Variants in PLPPR5 observed in about 807,000 individuals in gnomAD.
The protein encoded by PLPPR5 is phospholipid phosphatase-related protein type 5.
A neutral mutation model predicts 33.9 loss-of-function variants in PLPPR5; 16 were observed. The ratio of observed to expected loss-of-function variants is 0.47; its 90% confidence interval spans 0.32 to 0.72. The LOEUF is 0.72. Among genes scored for constraint, PLPPR5 ranks in the 30% least tolerant of loss-of-function variants. The pLI is 0.03. For synonymous variants in PLPPR5, 163 were observed against 150.3 expected, an observed-to-expected ratio of 1.08 and a Z score of -0.62; for missense variants, 301 against 406.7, an observed-to-expected ratio of 0.74 and a Z score of 2.23.
intron 1 of PLPPR5, 31 bp downstream of exon 1, chr1:99,004,404 C>G (rs1266693616): frequency 6.5e-7 from 1 of 1,547,014 alleles, no homozygotes; most frequent in Non-Finnish European, 8.8e-7. Flanking sequence ...ATCAGGGACT[C>G]GGCGACGAGG....
intron 1 of PLPPR5, among the ~76,000 whole-genome samples, chr1:98,960,820 G>A (rs943466131): frequency 6.6e-6 from 1 of 152,168 alleles, no homozygotes; most frequent in Non-Finnish European, 1.5e-5. Context: ...TTTACACACA[G>A]ATGGCCCCGG....
At chr1:98,896,738 A>G (rs1648488480) in intron 5 of PLPPR5, among the ~76,000 whole-genome samples, 1 of 152,250 alleles carries the variant, frequency 6.6e-6, no homozygotes, top group East Asian at 1.9e-4. Flanking sequence ...AATAAATTTT[A>G]AAGTCTCTAT....
At chr1:98,942,809 T>C (rs945441023) in intron 3 of PLPPR5, among the ~76,000 whole-genome samples, 1 of 152,182 alleles carries the variant, frequency 6.6e-6, no homozygotes, top group Non-Finnish European at 1.5e-5. Context: ...GGTGGACACC[T>C]CATTCACTGA....
intron 3 of PLPPR5, among the ~76,000 whole-genome samples, chr1:98,949,216 C>A (rs1472698803): frequency 6.6e-6 from 1 of 151,198 alleles, no homozygotes; most frequent in African/African-American, 2.4e-5. Context: ...ATAACTCTCA[C>A]AATTTTTTTT....
chr1:98,979,252 C>T (rs1313280677), intron 1 of PLPPR5, among the ~76,000 whole-genome samples: 1 of 151,940 alleles, frequency 6.6e-6, no homozygotes, highest in Non-Finnish European at 1.5e-5. Context: ...TTGTTCTTTA[C>T]TCACTGCAAA....
chr1:98,926,866 G>A (rs749790236), intron 3 of PLPPR5, among the ~76,000 whole-genome samples: 22 of 152,238 alleles, frequency 1.4e-4, no homozygotes, highest in African/African-American at 3.6e-4. Context: ...TGGGGCATTC[G>A]TTTGTTAAGC....
At chr1:98,988,288 T>C (rs1345843057) in intron 1 of PLPPR5, among the ~76,000 whole-genome samples, 3 of 152,128 alleles carry the variant, frequency 2.0e-5, no homozygotes, top group African/African-American at 2.4e-5. Context: ...GTTTCATTTA[T>C]GTATTCAGGC....
chr1:98,956,582 ATT>A (rs1436152385), intron 2 of PLPPR5, 25 bp downstream of exon 2: 1 of 1,546,022 alleles, frequency 6.5e-7, no homozygotes, highest in Admixed American at 2.2e-5. Context: ...TTTCAGAAAT[ATT>A]AAAAATAATT....
chr1:98,956,520 C>A (rs562612491), intron 2 of PLPPR5, 89 bp downstream of exon 2: 3 of 1,286,194 alleles, frequency 2.3e-6, no homozygotes, highest in South Asian at 1.7e-5. Context: ...CTAATATTTG[C>A]AAACAGTTAA....
rs60624111 is a variant in PLPPR5 at position 98,928,548 on chromosome 1, CATATATAT to C, written c.622-6498_622-6491del. On this transcript the variant is annotated intron_variant, in intron 3 of 5. Coordinates refer to ENST00000263177, the MANE Select transcript of PLPPR5 (RefSeq NM_001037317.2). ...AAAAAACTATTAGAAAGTTTTAAATCATATATATATATATATATATATATGGTTCACTT... is the reference window on the plus strand; with the variant it reads ...AAAAAACTATTAGAAAGTTTTAAATCATATATATATATATATGGTTCACTT... 9.5e-5 allele frequency among the ~76,000 whole-genome samples: 7 copies of C among 73,880 alleles called. 1 individual carries two copies. Among genetic ancestry groups the C allele is most frequent in the African/African-American group, 2.0e-4 (5 of 24,766 alleles). 48.5% of individuals were successfully genotyped at this position (73,880 alleles called of 152,430 possible). A position where few individuals can be genotyped will look rare whatever the true frequency, so the allele number is the denominator to read the frequency against.
intron 5 of PLPPR5, among the ~76,000 whole-genome samples, chr1:98,907,522 T>C (rs1285508353): frequency 6.6e-6 from 1 of 152,170 alleles, no homozygotes. Flanking sequence ...TTCTTTTTCT[T>C]AATGCTCTAT....
At chr1:98,963,525 C>CAG (rs138157987) in intron 1 of PLPPR5, among the ~76,000 whole-genome samples, 4 of 151,402 alleles carry the variant, frequency 2.6e-5, no homozygotes, top group East Asian at 1.9e-4. Flanking sequence ...CAGAGAGAGA[C>CAG]AGAGAGAGAG....
At chr1:98,974,881 A>G (rs1237235904) in intron 1 of PLPPR5, among the ~76,000 whole-genome samples, 1 of 151,970 alleles carries the variant, frequency 6.6e-6, no homozygotes, top group East Asian at 1.9e-4. Context: ...TAAGGCTGGG[A>G]CTGTCTGGGA....
At chr1:98,916,898 A>G (rs1394319988) in intron 4 of PLPPR5, among the ~76,000 whole-genome samples, 1 of 152,336 alleles carries the variant, frequency 6.6e-6, no homozygotes, top group Middle Eastern at 3.4e-3. Context: ...AAAGTGAGGG[A>G]CATGGTTTTT....
At chr1:98,898,697 A>ATTT (rs1648574655) in intron 5 of PLPPR5, among the ~76,000 whole-genome samples, 1 of 152,196 alleles carries the variant, frequency 6.6e-6, no homozygotes. Flanking sequence ...AGTTGGAGAC[A>ATTT]TAAAAGCTAT....
chr1:98,948,515 T>G (rs1641259962), intron 3 of PLPPR5, among the ~76,000 whole-genome samples: 1 of 152,196 alleles, frequency 6.6e-6, no homozygotes, highest in South Asian at 2.1e-4. Context: ...CTCCCATCTC[T>G]AGGTGGAATC....
chr1:98,909,977 C>G (rs1019308889), intron 5 of PLPPR5, among the ~76,000 whole-genome samples: 1 of 152,086 alleles, frequency 6.6e-6, no homozygotes, highest in African/African-American at 2.4e-5. Flanking sequence ...TGGTAATTAA[C>G]TATATGAAAA....
intron 1 of PLPPR5, among the ~76,000 whole-genome samples, chr1:98,958,056 C>G (rs1419689706): frequency 1.3e-5 from 2 of 152,172 alleles, no homozygotes; most frequent in Non-Finnish European, 2.9e-5. Context: ...GAAGAAATTT[C>G]TCTCTAATAC....
intron 1 of PLPPR5, among the ~76,000 whole-genome samples, chr1:98,973,565 A>C (rs909805539): frequency 6.6e-6 from 1 of 152,050 alleles, no homozygotes; most frequent in Admixed American, 6.6e-5. Context: ...CATGTAATTT[A>C]TCATTCAAAC....
Sources: gnomAD v4.1 joint callset for allele counts (sites outside exome capture counted in the v4.1 genomes callset) on GRCh38, gnomAD v4.1.1 for gene constraint, MANE v1.5 for transcripts, NCBI Gene and HGNC (gene_info 2026-07-23, HGNC 2026-07-21) for gene names.